The following MECOM variants were observed in gnomAD, a reference collection of about 807,000 sequenced individuals.
The protein encoded by MECOM is histone-lysine N-methyltransferase MECOM.
A neutral mutation model predicts 116.3 loss-of-function variants in MECOM; 13 were observed. The observed-to-expected ratio is 0.11, with a 90% CI of 0.07 to 0.18. The LOEUF (loss-of-function observed/expected upper bound fraction) is 0.18, where lower values mean the gene tolerates loss of function less well. Among genes scored for constraint, MECOM ranks in the 10% least tolerant of loss-of-function variants. MECOM has a pLI of 1.00. For missense variants in MECOM, 1,299 were observed against 1,509.0 expected, an observed-to-expected ratio of 0.86 and a Z score of 2.31; for synonymous variants, 528 against 535.2, an observed-to-expected ratio of 0.99 and a Z score of 0.19.
intron 3 of MECOM, among the ~76,000 whole-genome samples, chr3:169,135,559 C>T (rs900934368): frequency 1.5e-4 from 22 of 151,594 alleles, no homozygotes; most frequent in Admixed American, 5.9e-4. Context: ...ATTTTAAAAC[C>T]GTGTTAACTC....
chr3:169,647,947 A>C (rs1010570727), intron 1 of MECOM, among the ~76,000 whole-genome samples: 3 of 152,260 alleles, frequency 2.0e-5, no homozygotes, highest in Admixed American at 2.0e-4. Context: ...GCCAGAAAAC[A>C]TGTTTACGGT....
chr3:169,266,338 T>C (rs971776168), intron 2 of MECOM, among the ~76,000 whole-genome samples: 1 of 152,232 alleles, frequency 6.6e-6, no homozygotes, highest in Non-Finnish European at 1.5e-5. Flanking sequence ...TGGGTAATTA[T>C]GCTATTGTTA....
chr3:169,392,513 A>G (rs946278119), intron 1 of MECOM, among the ~76,000 whole-genome samples: 2 of 152,208 alleles, frequency 1.3e-5, no homozygotes, highest in African/African-American at 4.8e-5. Context: ...CATTTATTCA[A>G]TAAATACCAC....
chr3:169,087,170 T>C (rs1718049319), intron 16 of MECOM, among the ~76,000 whole-genome samples: 1 of 152,204 alleles, frequency 6.6e-6, no homozygotes, highest in Non-Finnish European at 1.5e-5. Flanking sequence ...ATTATAATTA[T>C]ATCCCTTATC....
At chr3:169,439,704 A>C (rs963678880) in intron 1 of MECOM, among the ~76,000 whole-genome samples, 1 of 152,302 alleles carries the variant, frequency 6.6e-6, no homozygotes, top group South Asian at 2.1e-4. Context: ...TATATCCCTG[A>C]CATGCCAATT....
intron 1 of MECOM, among the ~76,000 whole-genome samples, chr3:169,588,492 G>T (rs1219060047): frequency 6.6e-6 from 1 of 152,112 alleles, no homozygotes; most frequent in African/African-American, 2.4e-5. Flanking sequence ...CAGGGGTGAA[G>T]GGAACTGAAT....
intron 2 of MECOM, among the ~76,000 whole-genome samples, chr3:169,192,540 G>T (rs750106122): frequency 6.6e-6 from 1 of 151,910 alleles, no homozygotes; most frequent in Non-Finnish European, 1.5e-5. Context: ...GAAGAATATG[G>T]ACATTATGCA....
rs189549780 is a variant in MECOM, at chr3:169,363,401, C to T, written c.375+17786G>A. ...CTCTCAACTGAGTACTTAACTCCAT[C>T]GGCCAACATTATTACAATTATTCCT... is the stretch of plus-strand genomic sequence containing the variant. On this transcript the variant is annotated intron_variant, in intron 2 of 16. Transcript: ENST00000651503. Among the ~76,000 whole-genome samples the T allele has an allele frequency of 7.8e-4, 119 of 152,028 alleles. 1 individual carries two copies. Among genetic ancestry groups the T allele is most frequent in the African/African-American group, 2.3e-3 (97 of 41,522 alleles).
At chr3:169,206,235 T>C (rs3863100) in intron 2 of MECOM, among the ~76,000 whole-genome samples, 137,810 of 152,220 alleles carry the variant, frequency 0.91, 62,475 homozygotes, top group East Asian at 1. Flanking sequence ...TTATACTCTC[T>C]TTGGCTAATT....
intron 13 of MECOM, 149 bp downstream of exon 13, chr3:169,094,927 A>C (rs1280274201): frequency 1.6e-6 from 1 of 622,456 alleles, no homozygotes; most frequent in Non-Finnish European, 2.5e-6. Context: ...TTATTCTAAA[A>C]TCTCAACAGA....
At chr3:169,300,704 CT>C (rs1391735401) in intron 2 of MECOM, among the ~76,000 whole-genome samples, 1 of 152,168 alleles carries the variant, frequency 6.6e-6, no homozygotes, top group East Asian at 1.9e-4. Context: ...TCTTTGTGCC[CT>C]TTCTTTGGAA....
At chr3:169,107,485 A>G (rs920380557) in intron 10 of MECOM, among the ~76,000 whole-genome samples, 1 of 152,118 alleles carries the variant, frequency 6.6e-6, no homozygotes, top group African/African-American at 2.4e-5. Flanking sequence ...CCTAGGATAT[A>G]TAGATGTGAA....
chr3:169,474,548 T>G (rs1023119620), intron 1 of MECOM, among the ~76,000 whole-genome samples: 2 of 152,150 alleles, frequency 1.3e-5, no homozygotes, highest in Admixed American at 1.3e-4. Flanking sequence ...TCATATATAT[T>G]TATGATTAGA....
intron 7 of MECOM, 56 bp from the exon 8 acceptor site, chr3:169,116,795 T>C (rs1432436867): frequency 1.3e-6 from 2 of 1,514,686 alleles, no homozygotes; most frequent in South Asian, 1.4e-5. Context: ...CTTCTGAATT[T>C]AGCAAATATC....
At chr3:169,253,668 A>G (rs1412737266) in intron 2 of MECOM, among the ~76,000 whole-genome samples, 1 of 152,150 alleles carries the variant, frequency 6.6e-6, no homozygotes, top group East Asian at 1.9e-4. Flanking sequence ...TTGAATGTAT[A>G]TATTTGCAGA....
chr3:169,574,269 A>G (rs1285014173), intron 1 of MECOM, among the ~76,000 whole-genome samples: 1 of 152,216 alleles, frequency 6.6e-6, no homozygotes, highest in Non-Finnish European at 1.5e-5. Context: ...AGGTTTTGCT[A>G]CAGGACTGAG....
intron 2 of MECOM, among the ~76,000 whole-genome samples, chr3:169,237,923 T>A (rs1362841608): frequency 6.6e-6 from 1 of 152,094 alleles, no homozygotes; most frequent in Non-Finnish European, 1.5e-5. Context: ...ACACCTGTAA[T>A]CCCAGCAATT....
At chr3:169,370,354 C>T (rs1040114176) in intron 2 of MECOM, among the ~76,000 whole-genome samples, 6 of 151,902 alleles carry the variant, frequency 3.9e-5, no homozygotes, top group African/African-American at 1.2e-4. Flanking sequence ...ACTTATCGCA[C>T]ACCATACAAA....
chr3:169,660,811 T>C (rs991398409), intron 1 of MECOM, among the ~76,000 whole-genome samples: 41 of 152,200 alleles, frequency 2.7e-4, no homozygotes, highest in Admixed American at 2.6e-4. Flanking sequence ...TCTGTAGTTT[T>C]AATATGATTT....
Sources: gnomAD v4.1 joint callset for allele counts (sites outside exome capture counted in the v4.1 genomes callset) on GRCh38, gnomAD v4.1.1 for gene constraint, MANE v1.5 for transcripts, NCBI Gene and HGNC (gene_info 2026-07-23, HGNC 2026-07-21) for gene names.